THRB: variants seen among roughly 807,000 people sequenced by gnomAD.
THRB encodes the protein thyroid hormone receptor beta.
Under a neutral mutation model 47.8 loss-of-function variants are expected in THRB, and 12 were observed. That is an observed-to-expected ratio of 0.25 (90% CI 0.16 to 0.41). The LOEUF is 0.41. Among genes scored for constraint, THRB ranks in the 10% least tolerant of loss-of-function variants. THRB has a pLI of 1.00. For synonymous variants in THRB, 218 were observed against 212.2 expected (o/e 1.03, Z -0.24); for missense variants, 348 against 589.2 (o/e 0.59, Z 4.24).
chr3:24,397,450 G>A (rs557319350), intron 1 of THRB, among the ~76,000 whole-genome samples: 15 of 152,104 alleles, frequency 9.9e-5, no homozygotes, highest in African/African-American at 2.4e-4. Flanking sequence ...CGTTTTTTCC[G>A]TCTTTTGCTC....
At chr3:24,444,871 A>T (rs2071911462) in intron 1 of THRB, among the ~76,000 whole-genome samples, 3 of 152,174 alleles carry the variant, frequency 2.0e-5, no homozygotes, top group African/African-American at 7.2e-5. Context: ...GGCATGAGGC[A>T]CCGTGCCCGG....
intron 1 of THRB, among the ~76,000 whole-genome samples, chr3:24,389,756 A>T (rs35531406): frequency 0.15 from 23,075 of 151,994 alleles, 2,041 homozygotes; most frequent in Middle Eastern, 0.22. Context: ...AACCCAAAAG[A>T]TACACTCAAC....
intron 1 of THRB, among the ~76,000 whole-genome samples, chr3:24,341,478 C>T (rs566682265): frequency 6.6e-6 from 1 of 152,238 alleles, no homozygotes; most frequent in South Asian, 2.1e-4. Context: ...AAGCGATCTG[C>T]CTGCCTCAGC....
At chr3:24,279,543 G>A (rs1346117632) in intron 3 of THRB, among the ~76,000 whole-genome samples, 1 of 144,722 alleles carries the variant, frequency 6.9e-6, no homozygotes, top group Non-Finnish European at 1.5e-5. Context: ...CGCCACCACG[G>A]CTGGCTAATT....
intron 5 of THRB, among the ~76,000 whole-genome samples, chr3:24,167,816 A>G (rs2039846261): frequency 6.6e-6 from 1 of 152,118 alleles, no homozygotes; most frequent in South Asian, 2.1e-4. Flanking sequence ...CTTTTATTCC[A>G]AAGGAATACT....
At chr3:24,350,892 G>T (rs1468472538) in intron 1 of THRB, among the ~76,000 whole-genome samples, 1 of 152,016 alleles carries the variant, frequency 6.6e-6, no homozygotes, top group African/African-American at 2.4e-5. Context: ...ATACAAACAT[G>T]TGGCAGGGAA....
intron 7 of THRB, among the ~76,000 whole-genome samples, chr3:24,145,569 GAGATAA>G (rs928791288): frequency 6.6e-6 from 1 of 152,280 alleles, no homozygotes; most frequent in East Asian, 1.9e-4. Context: ...AGGCCTTTAA[GAGATAA>G]AGATAAAGAA....
intron 1 of THRB, among the ~76,000 whole-genome samples, chr3:24,476,791 T>A (rs1695516782): frequency 6.6e-6 from 1 of 152,154 alleles, no homozygotes; most frequent in African/African-American, 2.4e-5. Context: ...TTTTCTAAAA[T>A]TAAGAAAAAA....
intron 5 of THRB, among the ~76,000 whole-genome samples, chr3:24,186,993 C>T (rs371398100): frequency 1.8e-4 from 19 of 106,062 alleles, no homozygotes; most frequent in Admixed American, 4.3e-4. Context: ...AAATGAAAAA[C>T]AAAACCTTAG....
At chr3:24,165,432 G>T (rs1164469952) in intron 5 of THRB, 2 of 689,780 alleles carry the variant, frequency 2.9e-6, no homozygotes, top group Non-Finnish European at 5.3e-6. Context: ...TACACCCTGA[G>T]AGCTGGGCAT....
intron 1 of THRB, among the ~76,000 whole-genome samples, chr3:24,425,567 T>C (rs1238347099): frequency 6.6e-6 from 1 of 152,010 alleles, no homozygotes; most frequent in African/African-American, 2.4e-5. Context: ...TTCAATTTAT[T>C]ATTAATAAGA....
intron 2 of THRB, among the ~76,000 whole-genome samples, chr3:24,327,706 T>A (rs932694018): frequency 2.6e-5 from 4 of 152,186 alleles, no homozygotes; most frequent in African/African-American, 9.7e-5. Context: ...TGCTATGGGA[T>A]CAGAACTGTC....
At chr3:24,180,766 A>T (rs2041794380) in intron 5 of THRB, among the ~76,000 whole-genome samples, 1 of 152,206 alleles carries the variant, frequency 6.6e-6, no homozygotes, top group Admixed American at 6.5e-5. Flanking sequence ...GAGATAAACC[A>T]GCCCTATGCC....
At chr3:24,374,744 C>A (rs1273657762) in intron 1 of THRB, among the ~76,000 whole-genome samples, 1 of 152,062 alleles carries the variant, frequency 6.6e-6, no homozygotes, top group Non-Finnish European at 1.5e-5. Flanking sequence ...AAGGCCTCCC[C>A]ATTTCACTGT....
intron 3 of THRB, among the ~76,000 whole-genome samples, chr3:24,235,803 A>G (rs891929684): frequency 3.9e-5 from 6 of 152,170 alleles, no homozygotes; most frequent in African/African-American, 1.2e-4. Flanking sequence ...ATCAGTGGAC[A>G]TGCTAGATTT....
intron 1 of THRB, 59 bp from the exon 2 acceptor site, chr3:24,337,430 T>C (rs755090682): frequency 3.9e-5 from 6 of 152,208 alleles, no homozygotes; most frequent in Non-Finnish European, 8.8e-5. Context: ...TTTCCCAACA[T>C]TCGATTAATC....
chr3:24,332,668 G>T (rs915081671), intron 2 of THRB, among the ~76,000 whole-genome samples: 4 of 152,014 alleles, frequency 2.6e-5, no homozygotes, highest in African/African-American at 9.7e-5. Context: ...TATACACATT[G>T]GGGTGTTTGT....
chr3:24,214,144 G>T (rs1243726846), intron 4 of THRB, among the ~76,000 whole-genome samples: 1 of 152,194 alleles, frequency 6.6e-6, no homozygotes, highest in Non-Finnish European at 1.5e-5. Flanking sequence ...AGCTGAAGAG[G>T]TAAAGCCACA....
chr3:24,366,190 A>G (rs2064442972), intron 1 of THRB, among the ~76,000 whole-genome samples: 1 of 152,190 alleles, frequency 6.6e-6, no homozygotes, highest in Non-Finnish European at 1.5e-5. Context: ...GAGTATACAC[A>G]TATGTCTATG....
Sources: allele counts gnomAD v4.1 joint callset (sites outside exome capture counted in the v4.1 genomes callset), GRCh38; gene constraint gnomAD v4.1.1; transcripts MANE v1.5; gene names NCBI Gene and HGNC (gene_info 2026-07-23, HGNC 2026-07-21).